The following MAP7D2 variants were observed in gnomAD, a reference collection of about 807,000 sequenced individuals.
The protein encoded by MAP7D2 is MAP7 domain-containing protein 2.
A neutral mutation model predicts 63.5 loss-of-function variants in MAP7D2; 33 were observed. That is an observed-to-expected ratio of 0.52 (90% CI 0.39 to 0.70). The LOEUF is 0.70. MAP7D2 is among the 30% of genes least tolerant of loss of function. The pLI is 0.00. For synonymous variants in MAP7D2, 224 were observed against 223.7 expected (o/e 1.00, Z -0.01); for missense variants, 626 against 604.0 (o/e 1.04, Z -0.38).
At chrX:20,087,335 GA>G (rs1189029688) in intron 1 of MAP7D2, among the ~76,000 whole-genome samples, 1 of 111,302 alleles carries the variant, frequency 9.0e-6, no homozygotes, top group Non-Finnish European at 1.9e-5. Flanking sequence ...GTTCCCATGA[GA>G]GTCCCTCCAG....
intron 8 of MAP7D2, among the ~76,000 whole-genome samples, chrX:20,037,807 C>T (rs59377023): frequency 0.35 from 39,234 of 110,555 alleles, 7,614 homozygotes; most frequent in African/African-American, 0.75. Flanking sequence ...AAACTGAGGA[C>T]ATTTGTATCC....
rs183251834 is a variant in MAP7D2 at position 20,025,644 on chromosome X, C to T, written c.1279+37G>A. 6.0e-4 allele frequency: 725 copies of T among 1,201,199 alleles called. 1 individual carries two copies. The African/African-American group carries it at 0.011, about 19-fold the overall frequency. On this transcript the variant is annotated intron_variant, in intron 9 of 16. Transcript: ENST00000379643. The stretch of plus-strand genomic sequence containing the variant: ...CACGTGGATTGGGTCTGAGGAGAAC[C>T]GTCTTGGGAAAGCCAAGGCACGGTG...
chrX:20,094,550 A>ATG (rs2066191670), intron 1 of MAP7D2, among the ~76,000 whole-genome samples: 2 of 10,078 alleles, frequency 2.0e-4, no homozygotes, highest in Non-Finnish European at 3.0e-4. Flanking sequence ...ATGTATATAT[A>ATG]TATATATATA....
Position 20,016,313 on chromosome X carries a change from C to G in MAP7D2, c.1425G>C (p.Glu475Asp), listed in dbSNP as rs1485057111. The change falls in exon 11 of 17, where the codon GAG becomes GAC. Residue 475 changes from glutamate (E) to aspartate (D), a missense_variant. Transcript: ENST00000379643. ...CCTCCTCTGCCTTTCTTTTCAATTC[C>G]TCTCTCTCCAGCCTTTTGAGAATAC... is the stretch of plus-strand genomic sequence containing the variant. Reference protein sequence around the residue: ...EKEEQDRLEREELKRKAEEER... With the variant: ...EKEEQDRLERDELKRKAEEER... 15 of 1,209,250 alleles carry G rather than the reference C, an allele frequency of 1.2e-5. No homozygotes were observed. The highest frequency in any genetic ancestry group is 1.7e-5 in the Non-Finnish European group (15 of 894,353).
At chrX:20,079,669 T>C (rs992116755) in intron 1 of MAP7D2, among the ~76,000 whole-genome samples, 1 of 111,844 alleles carries the variant, frequency 8.9e-6, no homozygotes, top group Non-Finnish European at 1.9e-5. Context: ...TTCTATAAAA[T>C]AGGAACATTA....
rs182321653 is a variant in MAP7D2, at chrX:20,059,097, C to T, written c.373-2306G>A. ...AGCTTACCTACATCACCAGATCACT[C>T]TAAGTCTATTTGATAATGACTAGTA... On this transcript the variant is annotated intron_variant, in intron 3 of 16. Transcript: ENST00000379643. 8.7e-3 allele frequency among the ~76,000 whole-genome samples: 975 copies of T among 112,284 alleles called. 4 individuals are homozygous for T. The highest frequency in any genetic ancestry group is 0.019 in the Middle Eastern group (4 of 216).
rs138121711 is a variant in MAP7D2, at chrX:20,071,241, C to T, written c.131-6436G>A. Among the ~76,000 whole-genome samples, 9 of 112,293 alleles carry T rather than the reference C, an allele frequency of 8.0e-5. No homozygotes were observed. The East Asian group carries it at 1.1e-3, about 14-fold the overall frequency. On this transcript the variant is annotated intron_variant, in intron 1 of 16. Coordinates refer to ENST00000379643, the MANE Select transcript of MAP7D2 (RefSeq NM_001168465.2). ...ATCTGTTTAAGCATGTGGAGACCAC[C>T]GCTTCTCAACTTTGGCTATACAATG...
intron 1 of MAP7D2, among the ~76,000 whole-genome samples, chrX:20,076,883 A>C (rs2065658001): frequency 8.9e-6 from 1 of 112,645 alleles, no homozygotes; most frequent in Non-Finnish European, 1.9e-5. Context: ...ATTTTCCAGA[A>C]AAATGCAGAC....
intron 1 of MAP7D2, among the ~76,000 whole-genome samples, chrX:20,084,743 A>G (rs1448452368): frequency 9.1e-6 from 1 of 109,565 alleles, no homozygotes; most frequent in African/African-American, 3.3e-5. Flanking sequence ...TAATTTTTGA[A>G]TTTTTAATAG....
intron 3 of MAP7D2, 73 bp downstream of exon 3, chrX:20,063,341 G>A: frequency 8.9e-7 from 1 of 1,123,482 alleles, no homozygotes; most frequent in Non-Finnish European, 1.2e-6. Context: ...CCAGAGCTGG[G>A]CAGGATGCCC....
At chrX:20,051,115 A>G (rs2064937239) in intron 5 of MAP7D2, among the ~76,000 whole-genome samples, 169 bp from the exon 6 acceptor site, 1 of 112,838 alleles carries the variant, frequency 8.9e-6, no homozygotes, top group African/African-American at 3.2e-5. Context: ...CGTAAAATAA[A>G]ACAAATAATG....
chrX:20,025,894 AC>A lies in MAP7D2; in HGVS notation c.1065del (p.Ser356LeufsTer3). ...SPKTTKPPYP[G>X]SPVKYRLPAL... ...GCAGGTAAGCGGTACTTCACAGGAG[AC>A]CCTGGGTAGGGAGGTTTCGTTGTCT... On this transcript the variant is annotated frameshift_variant, in exon 9 of 17. Coordinates refer to ENST00000379643, the MANE Select transcript of MAP7D2 (RefSeq NM_001168465.2). LOFTEE classifies it high-confidence loss of function. The A allele has an allele frequency of 8.3e-7, 1 of 1,211,023 alleles. No homozygotes were observed. The highest frequency in any genetic ancestry group is 1.1e-6 in the Non-Finnish European group (1 of 895,226).
intron 1 of MAP7D2, among the ~76,000 whole-genome samples, chrX:20,115,469 T>G (rs1015617536): frequency 1.8e-5 from 2 of 111,565 alleles, no homozygotes; most frequent in Admixed American, 9.6e-5. Flanking sequence ...GGTGGGTAGT[T>G]TCCAGGTTCT....
At chrX:20,114,888 C>G (rs1472169224) in intron 1 of MAP7D2, among the ~76,000 whole-genome samples, 1 of 112,040 alleles carries the variant, frequency 8.9e-6, no homozygotes, top group African/African-American at 3.2e-5. Context: ...TGATCAGTAT[C>G]CAGGACAGAT....
intron 1 of MAP7D2, among the ~76,000 whole-genome samples, chrX:20,080,166 A>G (rs1022514789): frequency 1.8e-5 from 2 of 110,605 alleles, no homozygotes; most frequent in African/African-American, 6.6e-5. Context: ...TCACAGCATG[A>G]TTTGCTAGTT....
At chrX:20,014,134 A>T (rs1167405887) in intron 12 of MAP7D2, among the ~76,000 whole-genome samples, 4 of 112,784 alleles carry the variant, frequency 3.5e-5, no homozygotes, top group African/African-American at 1.3e-4. Context: ...AATGGACTAA[A>T]CACTCCAATT....
At chrX:20,060,705 G>A (rs1268788024) in intron 3 of MAP7D2, among the ~76,000 whole-genome samples, 1 of 110,860 alleles carries the variant, frequency 9.0e-6, no homozygotes, top group Admixed American at 9.5e-5. Context: ...AACTTAAGGA[G>A]TAGGTGGCCT....
At chrX:20,086,171 T>C (rs2065905241) in intron 1 of MAP7D2, among the ~76,000 whole-genome samples, 1 of 112,235 alleles carries the variant, frequency 8.9e-6, no homozygotes, top group African/African-American at 3.2e-5. Flanking sequence ...TGGCCGGTCC[T>C]TCTCAGAGCC....
intron 1 of MAP7D2, among the ~76,000 whole-genome samples, chrX:20,070,052 G>A (rs2065462178): frequency 9.0e-6 from 1 of 111,443 alleles, no homozygotes; most frequent in Non-Finnish European, 1.9e-5. Flanking sequence ...GGGCTCAAGC[G>A]ATTGTCCTGC....
Sources: allele counts gnomAD v4.1 joint callset (sites outside exome capture counted in the v4.1 genomes callset), GRCh38; gene constraint gnomAD v4.1.1; transcripts MANE v1.5; gene names NCBI Gene and HGNC (gene_info 2026-07-23, HGNC 2026-07-21).